MED27: variants seen among roughly 807,000 people sequenced by gnomAD.
The protein encoded by MED27 is mediator complex subunit 27, also known as mediator of RNA polymerase II transcription subunit 27.
Under a neutral mutation model 38.2 loss-of-function variants are expected in MED27, and 30 were observed. The ratio of observed to expected loss-of-function variants is 0.79; its 90% CI spans 0.59 to 1.07. MED27 has a LOEUF of 1.07. Among genes scored for constraint, MED27 ranks in the 50% least tolerant of loss-of-function variants. MED27 has a pLI of 0.00. For synonymous variants in MED27, 122 were observed against 153.5 expected (o/e 0.79, Z 1.52); for missense variants, 289 against 397.5 (o/e 0.73, Z 2.32).
chr9:132,034,132 A>G (rs931270376), intron 2 of MED27, among the ~76,000 whole-genome samples: 5 of 152,202 alleles, frequency 3.3e-5, no homozygotes, highest in African/African-American at 1.2e-4. Flanking sequence ...GGAATAAAGA[A>G]TGTGGCTTAC....
chr9:131,910,250 C>T (rs1830162876), intron 4 of MED27, among the ~76,000 whole-genome samples: 1 of 152,178 alleles, frequency 6.6e-6, no homozygotes, highest in Admixed American at 6.5e-5. Flanking sequence ...AATTACACAA[C>T]CACACAATAA....
intron 6 of MED27, among the ~76,000 whole-genome samples, chr9:131,874,593 G>A (rs903557132): frequency 2.5e-4 from 38 of 152,278 alleles, no homozygotes; most frequent in African/African-American, 7.5e-4. Flanking sequence ...CCTGGAAGGT[G>A]GGGCCTGGGC....
chr9:131,932,393 AGAG>A (rs1398438850), intron 4 of MED27, among the ~76,000 whole-genome samples: 1 of 142,022 alleles, frequency 7.0e-6, no homozygotes, highest in Non-Finnish European at 1.6e-5. Context: ...AAAAAAAAAA[AGAG>A]AGAAGATACA....
At chr9:132,024,574 T>C (rs961385375) in intron 2 of MED27, among the ~76,000 whole-genome samples, 2 of 152,148 alleles carry the variant, frequency 1.3e-5, no homozygotes, top group Non-Finnish European at 2.9e-5. Context: ...ATAAATGTAA[T>C]GAGAAAATAG....
intron 3 of MED27, among the ~76,000 whole-genome samples, chr9:131,981,991 T>C (rs1028745000): frequency 1.3e-5 from 2 of 152,192 alleles, no homozygotes; most frequent in Non-Finnish European, 2.9e-5. Context: ...GCCATGTATA[T>C]GTTTCTATCA....
intron 6 of MED27, among the ~76,000 whole-genome samples, chr9:131,876,598 C>T (rs937616984): frequency 2.3e-4 from 35 of 152,132 alleles, no homozygotes; most frequent in Non-Finnish European, 3.2e-4. Context: ...TTAAGCCTAA[C>T]GACCCTCCCT....
chr9:132,041,413 G>A (rs1280314358), intron 2 of MED27, among the ~76,000 whole-genome samples: 1 of 152,240 alleles, frequency 6.6e-6, no homozygotes, highest in Non-Finnish European at 1.5e-5. Context: ...TAGACACCAA[G>A]CTTTGGGAAG....
chr9:131,904,660 A>G (rs1464153300), intron 4 of MED27, among the ~76,000 whole-genome samples: 1 of 152,186 alleles, frequency 6.6e-6, no homozygotes, highest in Non-Finnish European at 1.5e-5. Context: ...CACCTGGCCA[A>G]CAAGGTTTTT....
At chr9:132,014,276 A>C in intron 3 of MED27, 61 bp downstream of exon 3, 1 of 1,516,204 alleles carries the variant, frequency 6.6e-7, no homozygotes, top group Non-Finnish European at 8.9e-7. Flanking sequence ...CTACCCAAAA[A>C]CAAGTATAAA....
chr9:131,868,446 T>C (rs1355495562), intron 6 of MED27, among the ~76,000 whole-genome samples: 1 of 152,252 alleles, frequency 6.6e-6, no homozygotes, highest in African/African-American at 2.4e-5. Flanking sequence ...GCCCAGCTAA[T>C]TTTTTATTTT....
At chr9:131,873,170 G>C (rs1196359899) in intron 6 of MED27, among the ~76,000 whole-genome samples, 1 of 152,234 alleles carries the variant, frequency 6.6e-6, no homozygotes, top group Non-Finnish European at 1.5e-5. Context: ...CTTGGAAGGA[G>C]AAAACTCTTT....
rs998430499 is a variant in MED27 at position 131,862,297 on chromosome 9, A to G, written c.801+766T>C. ...ACTTTCTAGCATGAAGAAAACAGGG[A>G]GTCCCAGCAGCGGTGGATGATGGGG... On this transcript the variant is annotated intron_variant, in intron 7 of 7. Transcript: ENST00000292035. The surrounding 1 kb of genome is among the most constrained non-coding windows in gnomAD (Gnocchi z 4.6). 2.6e-5 allele frequency among the ~76,000 whole-genome samples: 4 copies of G among 152,192 alleles called. No individual in the cohort carries two copies. Among genetic ancestry groups the G allele is most frequent in the Non-Finnish European group, 5.9e-5 (4 of 68,030 alleles).
At chr9:131,890,074 T>C (rs959137185) in intron 5 of MED27, among the ~76,000 whole-genome samples, 1 of 152,240 alleles carries the variant, frequency 6.6e-6, no homozygotes, top group Non-Finnish European at 1.5e-5. Context: ...AATGCCTAGA[T>C]TGTATATAAA....
At chr9:131,938,338 C>T (rs551322590) in intron 4 of MED27, among the ~76,000 whole-genome samples, 11 of 152,258 alleles carry the variant, frequency 7.2e-5, no homozygotes, top group African/African-American at 2.6e-4. Context: ...TGACGCCCAT[C>T]GAAACCATCA....
intron 4 of MED27, among the ~76,000 whole-genome samples, chr9:131,899,168 G>A (rs973532527): frequency 6.6e-6 from 1 of 152,194 alleles, no homozygotes; most frequent in African/African-American, 2.4e-5. Flanking sequence ...GAGGTGAAAC[G>A]GTTTGAAGCC....
chr9:131,960,414 G>C (rs1411244514), intron 3 of MED27, among the ~76,000 whole-genome samples: 2 of 152,134 alleles, frequency 1.3e-5, no homozygotes, highest in South Asian at 4.1e-4. Context: ...GTGTGTGTGC[G>C]CTCGTGCACA....
At chr9:131,898,418 T>C (rs1210400925) in intron 4 of MED27, among the ~76,000 whole-genome samples, 1 of 152,120 alleles carries the variant, frequency 6.6e-6, no homozygotes, top group Non-Finnish European at 1.5e-5. Flanking sequence ...TTTCGCCATG[T>C]TGACCAGGCT....
intron 4 of MED27, among the ~76,000 whole-genome samples, chr9:131,931,912 C>A (rs1830595156): frequency 1.3e-5 from 2 of 151,962 alleles, no homozygotes; most frequent in South Asian, 2.1e-4. Context: ...AATTTAACAC[C>A]CCAATTTCAG....
At chr9:132,039,451 C>T (rs753126230) in intron 2 of MED27, among the ~76,000 whole-genome samples, 5 of 152,208 alleles carry the variant, frequency 3.3e-5, no homozygotes, top group Non-Finnish European at 5.9e-5. Context: ...TGGTGCCCCG[C>T]ACATGGCAAG....
Sources: gnomAD v4.1 joint callset for allele counts (sites outside exome capture counted in the v4.1 genomes callset) on GRCh38, gnomAD v4.1.1 for gene constraint, Gnocchi (gnomAD v3.1) non-coding constraint, MANE v1.5 for transcripts, NCBI Gene and HGNC (gene_info 2026-07-23, HGNC 2026-07-21) for gene names.